Variants in SOCS7 observed in about 807,000 individuals in gnomAD.
SOCS7 encodes NAP-4.
Under a neutral mutation model 58.9 loss-of-function variants are expected in SOCS7, and 18 were observed. That is an observed-to-expected ratio of 0.31 (90% CI 0.21 to 0.45). The LOEUF (loss-of-function observed/expected upper bound fraction) is 0.45, where lower values mean the gene tolerates loss of function less well. SOCS7 is among the 20% of genes least tolerant of loss of function. SOCS7 has a pLI of 1.00. For synonymous variants in SOCS7, 388 were observed against 364.3 expected, an observed-to-expected ratio of 1.06 and a Z score of -0.74; for missense variants, 667 against 837.3, an observed-to-expected ratio of 0.80 and a Z score of 2.51.
intron 7 of SOCS7, among the ~76,000 whole-genome samples, 187 bp downstream of exon 7, chr17:38,378,029 G>C (rs1478655020): frequency 1.3e-5 from 2 of 152,188 alleles, no homozygotes; most frequent in Non-Finnish European, 2.9e-5. Context: ...AGCATACTGA[G>C]GAGGAATCTT....
At chr17:38,381,576 A>G (rs1238182808) in intron 7 of SOCS7, among the ~76,000 whole-genome samples, 1 of 152,116 alleles carries the variant, frequency 6.6e-6, no homozygotes, top group Non-Finnish European at 1.5e-5. Context: ...TGAAAAAGCA[A>G]AAGAAACTGA....
At chr17:38,366,176 C>G in intron 4 of SOCS7, 111 bp from the exon 5 acceptor site, 3 of 1,444,736 alleles carry the variant, frequency 2.1e-6, no homozygotes, top group Non-Finnish European at 2.8e-6. Context: ...TCCAGCTTAG[C>G]TTCTAATGCC....
intron 9 of SOCS7, among the ~76,000 whole-genome samples, chr17:38,397,285 C>T (rs1449296583): frequency 1.3e-5 from 2 of 152,216 alleles, no homozygotes; most frequent in African/African-American, 4.8e-5. Flanking sequence ...GCAAGTTCAG[C>T]ATTACGCTTA....
chr17:38,387,127 A>G lies in SOCS7; in HGVS notation c.1682-8182A>G, dbSNP rs368686064. Reference sequence around the variant, plus strand: ...AATATATATATATATATATATATATATGTATGTATATATATATATATATAT... The same window carrying G: ...AATATATATATATATATATATATATGTGTATGTATATATATATATATATAT... On this transcript the variant is annotated intron_variant, in intron 7 of 9. Transcript: ENST00000612932. Among the ~76,000 whole-genome samples the G allele has an allele frequency of 9.3e-4, 87 of 93,418 alleles. 1 individual carries two copies. Among genetic ancestry groups the G allele is most frequent in the East Asian group, 5.0e-3 (16 of 3,178 alleles). The allele number at this position is 93,418 out of a possible 152,430, so 61.3% of individuals were successfully genotyped here.
intron 1 of SOCS7, among the ~76,000 whole-genome samples, chr17:38,361,310 G>A (rs2037716540): frequency 6.6e-6 from 1 of 152,266 alleles, no homozygotes; most frequent in African/African-American, 2.4e-5. Context: ...GGCAAGCCCA[G>A]AGGGAAACTT....
chr17:38,377,041 T>C (rs954383984), intron 6 of SOCS7, among the ~76,000 whole-genome samples: 1 of 152,208 alleles, frequency 6.6e-6, no homozygotes, highest in Non-Finnish European at 1.5e-5. Flanking sequence ...TGTAGTAGGC[T>C]ACACCATCTA....
At position 38,365,363 on chromosome 17, in the gene SOCS7, C is replaced by T. The variant is rs1348530934; in HGVS notation, c.1206C>T (p.Ser402=). The change falls in exon 4 of 10, where the codon TCC becomes TCT. Residue 402 remains serine (S), a synonymous_variant. Coordinates refer to ENST00000612932, the MANE Select transcript of SOCS7 (RefSeq NM_014598.4). The stretch of plus-strand genomic sequence containing the variant: ...TCCTTGTGGCTCCGATGGGGTCTTC[C>T]TTGCAGTCTTTCCCCCTACCTCCGC... The part of the protein sequence containing the change: ...TSVLVAPMGS[S]LQSFPLPPPP... 6.2e-7 allele frequency: 1 copy of T among 1,613,108 alleles called. No individual in the cohort carries two copies. Among genetic ancestry groups the T allele is most frequent in the African/African-American group, 1.3e-5 (1 of 74,890 alleles).
In SOCS7 at chr17:38,369,775, A is replaced by G. The variant is rs148009912; in HGVS notation, c.1552+1725A>G. Among the ~76,000 whole-genome samples, 21 of 146,834 alleles carry G rather than the reference A, an allele frequency of 1.4e-4. No individual in the cohort carries two copies. The East Asian group carries it at 1.6e-3, about 11-fold the overall frequency. Reference sequence around the variant, plus strand: ...ATTGCAGCCTCCACCTCCTTGGTTCAAGCAATTCTTTTTTTGTTTGTTTTT... The same window carrying G: ...ATTGCAGCCTCCACCTCCTTGGTTCGAGCAATTCTTTTTTTGTTTGTTTTT... On this transcript the variant is annotated intron_variant, in intron 6 of 9. Coordinates refer to ENST00000612932, the MANE Select transcript of SOCS7 (RefSeq NM_014598.4).
In SOCS7 at chr17:38,400,387, T is replaced by C. The variant is rs1003086177; in HGVS notation, c.*905T>C. ...CACCTGGGCGGTTCAGAGCCAGTCATGGGCTGCTGAATTTAATGGAGCATG... is the reference window on the plus strand; with the variant it reads ...CACCTGGGCGGTTCAGAGCCAGTCACGGGCTGCTGAATTTAATGGAGCATG... On this transcript the variant is annotated 3_prime_UTR_variant, in exon 10 of 10. Coordinates refer to ENST00000612932, the MANE Select transcript of SOCS7 (RefSeq NM_014598.4). The C allele has an allele frequency of 3.9e-5, 6 of 152,192 alleles. No individual in the cohort carries two copies. Among genetic ancestry groups the C allele is most frequent in the African/African-American group, 1.4e-4 (6 of 41,426 alleles). The allele number at this position is 152,192 out of a possible 1,614,324, so 9.4% of individuals were successfully genotyped here.
At chr17:38,387,772 CTTT>C (rs199830504) in intron 7 of SOCS7, among the ~76,000 whole-genome samples, 1 of 116,126 alleles carries the variant, frequency 8.6e-6, no homozygotes, top group East Asian at 2.3e-4. Flanking sequence ...TAATGGCTTT[CTTT>C]TTTTTTTTTT....
At chr17:38,389,906 T>TATATATATATGTAC (rs1555571102) in intron 7 of SOCS7, among the ~76,000 whole-genome samples, 6 of 103,470 alleles carry the variant, frequency 5.8e-5, no homozygotes, top group Non-Finnish European at 7.3e-5. Context: ...TATACACATA[T>TATATATATATGTAC]AGAGAGAGAG....
intron 6 of SOCS7, among the ~76,000 whole-genome samples, chr17:38,371,616 C>T (rs1361662631): frequency 6.7e-6 from 1 of 149,142 alleles, no homozygotes; most frequent in Non-Finnish European, 1.5e-5. Flanking sequence ...TGGCATGAAC[C>T]ACCATGCCCG....
intron 7 of SOCS7, among the ~76,000 whole-genome samples, chr17:38,378,138 C>G (rs995621036): frequency 4.6e-5 from 7 of 152,188 alleles, no homozygotes; most frequent in Non-Finnish European, 7.3e-5. Context: ...ATCTAGGCAT[C>G]TCAACATTTA....
chr17:38,356,656 C>T (rs1179363184), intron 1 of SOCS7, among the ~76,000 whole-genome samples: 4 of 152,046 alleles, frequency 2.6e-5, no homozygotes, highest in South Asian at 4.1e-4. Flanking sequence ...TGAGCCACCA[C>T]GCCCAGCTGA....
chr17:38,385,125 T>G (rs2144376483), intron 7 of SOCS7, among the ~76,000 whole-genome samples: 1 of 151,938 alleles, frequency 6.6e-6, no homozygotes, highest in East Asian at 1.9e-4. Flanking sequence ...CTTGAACTGC[T>G]GACCTCGTGA....
At chr17:38,385,254 C>G (rs1448385147) in intron 7 of SOCS7, among the ~76,000 whole-genome samples, 1 of 151,610 alleles carries the variant, frequency 6.6e-6, no homozygotes, top group South Asian at 2.1e-4. Context: ...TTTTTTCTTG[C>G]AATTTATATA....
In SOCS7 at chr17:38,378,517, C is replaced by G. The variant is rs560366597; in HGVS notation, c.1681+675C>G. On this transcript the variant is annotated intron_variant, in intron 7 of 9. Coordinates refer to ENST00000612932, the MANE Select transcript of SOCS7 (RefSeq NM_014598.4). ...TGATAGAGCAAAACCCTGTCTCCCC[C>G]AAAAAAGAAAAAGTAAGGGCCAAAT... Among the ~76,000 whole-genome samples, 7 of 151,958 alleles carry G rather than the reference C, an allele frequency of 4.6e-5. No homozygotes were observed. In the South Asian group the frequency reaches 1.5e-3, roughly 32 times the overall value.
chr17:38,394,467 G>A (rs7213489), intron 7 of SOCS7, among the ~76,000 whole-genome samples: 1,633 of 152,232 alleles, frequency 0.011, 29 homozygotes, highest in African/African-American at 0.036. Flanking sequence ...GATCCTAGCT[G>A]TTACCTTCTA....
chr17:38,381,575 A>G (rs968438417), intron 7 of SOCS7, among the ~76,000 whole-genome samples: 1 of 152,112 alleles, frequency 6.6e-6, no homozygotes, highest in Non-Finnish European at 1.5e-5. Context: ...TTGAAAAAGC[A>G]AAAGAAACTG....
Sources: allele counts gnomAD v4.1 joint callset (sites outside exome capture counted in the v4.1 genomes callset), GRCh38; gene constraint gnomAD v4.1.1; transcripts MANE v1.5; gene names NCBI Gene and HGNC (gene_info 2026-07-23, HGNC 2026-07-21).